RBM7: variants seen among roughly 807,000 people sequenced by gnomAD.
The protein encoded by RBM7 is RNA binding motif protein 7, also known as RNA-binding protein 7.
Under a neutral mutation model 31.0 loss-of-function variants are expected in RBM7, and 13 were observed. The ratio of observed to expected loss-of-function variants is 0.42; its 90% confidence interval spans 0.27 to 0.67. The LOEUF is 0.67. Ranked by LOEUF, RBM7 falls within the 30% of genes least tolerant of loss-of-function variation. The pLI, the probability that RBM7 is intolerant of heterozygous loss-of-function variation, is 0.24. For synonymous variants in RBM7, 106 were observed against 111.2 expected, an observed-to-expected ratio of 0.95 and a Z score of 0.30; for missense variants, 245 against 326.2, an observed-to-expected ratio of 0.75 and a Z score of 1.92.
At chr11:114,400,818 G>A in intron 1 of RBM7, 51 bp downstream of exon 1, 1 of 1,602,208 alleles carries the variant, frequency 6.2e-7, no homozygotes, top group Non-Finnish European at 8.5e-7. Flanking sequence ...CTCGCCTAGG[G>A]CCTGGCCAGC....
rs181265343 is a variant in RBM7 at position 114,405,874 on chromosome 11, T to A, written c.441+75T>A. The A allele has an allele frequency of 1.4e-4, 151 of 1,055,170 alleles. 2 individuals carry two copies. In the East Asian group the frequency reaches 3.2e-3, roughly 22 times the overall value. 65.4% of individuals were successfully genotyped at this position (1,055,170 alleles called of 1,614,324 possible). A position where few individuals can be genotyped will look rare whatever the true frequency, so the allele number is the denominator to read the frequency against. On this transcript the variant is annotated intron_variant, in intron 4 of 4. Transcript: ENST00000375490. The stretch of plus-strand genomic sequence containing the variant: ...GTTAAAATGTTCGCATTGTATCAAA[T>A]AACTGGTTTTTAATTAACTTTGTTA...
Position 114,407,848 on chromosome 11 carries a change from G to C in RBM7, c.*41G>C. On this transcript the variant is annotated 3_prime_UTR_variant, in exon 5 of 5. Transcript: ENST00000375490. ...CATTGTTTTTATAGGGTCATTTTAG[G>C]CCCTTTGACTAAGTTGATATGGAAA... 6.5e-7 allele frequency: 1 copy of C among 1,533,800 alleles called. No individual in the cohort carries two copies. Among genetic ancestry groups the C allele is most frequent in the Non-Finnish European group, 8.7e-7 (1 of 1,144,846 alleles).
At chr11:114,406,059 G>A (rs1259035311) in intron 4 of RBM7, 1 of 340,310 alleles carries the variant, frequency 2.9e-6, no homozygotes, top group East Asian at 6.4e-5. Context: ...ATAAATAGAA[G>A]TAAAACTGCT....
chr11:114,405,588 G>T, intron 3 of RBM7, 118 bp from the exon 4 acceptor site: 1 of 519,692 alleles, frequency 1.9e-6, no homozygotes, highest in South Asian at 3.9e-5. Flanking sequence ...CTGGCTGCAT[G>T]AGAGCAGATA....
chr11:114,405,069 A>G (rs1238863034), intron 3 of RBM7, among the ~76,000 whole-genome samples: 4 of 152,168 alleles, frequency 2.6e-5, no homozygotes, highest in African/African-American at 9.7e-5. Context: ...TGCTCAAGCC[A>G]AGTCTAGATT....
At chr11:114,407,393 A>G in intron 4 of RBM7, 52 bp from the exon 5 acceptor site, 1 of 1,539,398 alleles carries the variant, frequency 6.5e-7, no homozygotes, top group Non-Finnish European at 8.8e-7. Flanking sequence ...CCAAATACAT[A>G]TTAGCTTTGA....
intron 4 of RBM7, 66 bp from the exon 5 acceptor site, chr11:114,407,379 C>G (rs112871299): frequency 2.0e-6 from 3 of 1,502,586 alleles, no homozygotes; most frequent in African/African-American, 1.4e-5. Flanking sequence ...TTTCTGTTAA[C>G]TGACCAAATA....
Position 114,410,052 on chromosome 11 carries a change from C to T in RBM7, c.*2245C>T, listed in dbSNP as rs1946317452. 2 of 152,104 alleles carry T rather than the reference C, an allele frequency of 1.3e-5. No individual in the cohort carries two copies. The highest frequency in any genetic ancestry group is 2.4e-5 in the African/African-American group (1 of 41,408). 9.4% of individuals were successfully genotyped at this position (152,104 alleles called of 1,614,324 possible). On this transcript the variant is annotated 3_prime_UTR_variant, in exon 5 of 5. Coordinates refer to ENST00000375490, the MANE Select transcript of RBM7 (RefSeq NM_001286045.2). ...CAATGAGCCTTTCCCCTGAGTGTCA[C>T]ATCTGTATTGGCACTCAAAAAGTTT...
intron 2 of RBM7, among the ~76,000 whole-genome samples, chr11:114,402,477 C>T (rs1400602882): frequency 7.5e-6 from 1 of 132,580 alleles, no homozygotes; most frequent in East Asian, 2.4e-4. Flanking sequence ...AATTTCAGCT[C>T]ACTGCAACCT....
intron 3 of RBM7, 99 bp downstream of exon 3, chr11:114,403,014 A>C: frequency 9.7e-7 from 1 of 1,034,968 alleles, no homozygotes; most frequent in South Asian, 1.3e-5. Context: ...TTATTCTCTT[A>C]TCTCTTCATT....
intron 4 of RBM7, 158 bp from the exon 5 acceptor site, chr11:114,407,287 G>A (rs1946277370): frequency 1.6e-6 from 1 of 643,214 alleles, no homozygotes; most frequent in Admixed American, 3.0e-5. Flanking sequence ...GTATCTTGTA[G>A]GTATACATTG....
At position 114,402,382 on chromosome 11, in the gene RBM7, CTTTTTTTTTTTTTTTTTTT is replaced by C. The variant is rs71063570; in HGVS notation, c.260-425_260-407del. On this transcript the variant is annotated intron_variant, in intron 2 of 4. Transcript: ENST00000375490. Reference sequence around the variant, plus strand: ...AAGCGGTCTACAGCAGCTTGAGATTCTTTTTTTTTTTTTTTTTTTTTTTTTTTTTTTTTTTTTTTGAGAT... The same window carrying C: ...AAGCGGTCTACAGCAGCTTGAGATTCTTTTTTTTTTTTTTTTTTTTGAGAT... Among the ~76,000 whole-genome samples, 63 of 50,166 alleles carry C rather than the reference CTTTTTTTTTTTTTTTTTTT, an allele frequency of 1.3e-3. 1 individual carries two copies. Among genetic ancestry groups the C allele is most frequent in the Middle Eastern group, 0.021 (1 of 48 alleles). 32.9% of individuals were successfully genotyped at this position (50,166 alleles called of 152,430 possible).
chr11:114,407,915 C>T lies in RBM7; in HGVS notation c.*108C>T, dbSNP rs771544792. 27 of 1,281,658 alleles carry T rather than the reference C, an allele frequency of 2.1e-5. No individual in the cohort carries two copies. Among genetic ancestry groups the T allele is most frequent in the Non-Finnish European group, 2.5e-5 (24 of 964,848 alleles). The allele number at this position is 1,281,658 out of a possible 1,614,324, so 79.4% of individuals were successfully genotyped here. On this transcript the variant is annotated 3_prime_UTR_variant, in exon 5 of 5. Transcript: ENST00000375490. ...TGTACAGAGCAGCTTTACAAGTTGT[C>T]ACATTTCTTTATAAATTTTTTTAAA...
intron 3 of RBM7, among the ~76,000 whole-genome samples, chr11:114,405,310 C>T (rs558685408): frequency 3.9e-5 from 6 of 152,276 alleles, no homozygotes; most frequent in Admixed American, 2.0e-4. Flanking sequence ...GTTCCAGTAA[C>T]ACTTTGTTTA....
chr11:114,405,839 A>AG, intron 4 of RBM7, 40 bp downstream of exon 4: 1 of 1,352,030 alleles, frequency 7.4e-7, no homozygotes. Context: ...CCAAAAAAAA[A>AG]TCATCCTTAG....
chr11:114,401,946 A>G (rs952045257), intron 2 of RBM7, 86 bp downstream of exon 2: 5 of 1,360,240 alleles, frequency 3.7e-6, no homozygotes, highest in South Asian at 1.5e-5. Flanking sequence ...TTATTTGTAG[A>G]TGAAACTTCT....
chr11:114,402,240 A>G (rs1946211982), intron 2 of RBM7: 1 of 181,506 alleles, frequency 5.5e-6, no homozygotes, highest in African/African-American at 2.4e-5. Context: ...CCATGTATCC[A>G]GTGTTACAAT....
rs762510397 is a variant in RBM7 at position 114,407,600 on chromosome 11, T to G, written c.597T>G (p.Arg199=). The change falls in exon 5 of 5, where the codon CGT becomes CGG. Residue 199 remains arginine, a synonymous_variant. Coordinates refer to ENST00000375490, the MANE Select transcript of RBM7 (RefSeq NM_001286045.2). ...QWRQGTPSSQ[R]KVRMNSYPYL... ...GCCAAGGTACACCATCATCACAGCGTAAAGTCAGAATGAATTCTTATCCCT... is the reference window on the plus strand; with the variant it reads ...GCCAAGGTACACCATCATCACAGCGGAAAGTCAGAATGAATTCTTATCCCT... 10 of 1,614,112 alleles carry G rather than the reference T, an allele frequency of 6.2e-6. 1 individual carries two copies. In the South Asian group the frequency reaches 1.1e-4, roughly 18 times the overall value.
Position 114,409,688 on chromosome 11 carries a change from C to T in RBM7, c.*1881C>T, listed in dbSNP as rs952028315. ...CTGGCCTAATACTGCTTTATTACAA[C>T]GTTATCTGTGGGTCGGATCCTTTTA... is the stretch of plus-strand genomic sequence containing the variant. On this transcript the variant is annotated 3_prime_UTR_variant, in exon 5 of 5. Coordinates refer to ENST00000375490, the MANE Select transcript of RBM7 (RefSeq NM_001286045.2). 4 of 152,096 alleles carry T rather than the reference C, an allele frequency of 2.6e-5. No homozygotes were observed. The highest frequency in any genetic ancestry group is 2.0e-4 in the Admixed American group (3 of 15,270). 9.4% of individuals were successfully genotyped at this position (152,096 alleles called of 1,614,324 possible).
Sources: allele counts gnomAD v4.1 joint callset (sites outside exome capture counted in the v4.1 genomes callset), GRCh38; gene constraint gnomAD v4.1.1; transcripts MANE v1.5; gene names NCBI Gene and HGNC (gene_info 2026-07-23, HGNC 2026-07-21).